The following GALNT17 variants were observed in gnomAD, a reference collection of about 807,000 sequenced individuals.
GALNT17 encodes the protein UDP-GalNAc:polypeptide N-acetylgalactosaminyltransferase-like 3.
In GALNT17, 29 loss-of-function variants were observed where a neutral mutation model predicts 63.7. The ratio of observed to expected loss-of-function variants is 0.46; its 90% CI spans 0.34 to 0.62. The LOEUF (loss-of-function observed/expected upper bound fraction) is 0.62. Among genes scored for constraint, GALNT17 ranks in the 20% least tolerant of loss-of-function variants. The pLI, the probability that GALNT17 is intolerant of heterozygous loss-of-function variation, is 0.01. For missense variants in GALNT17, 603 were observed against 799.6 expected, an observed-to-expected ratio of 0.75 and a Z score of 2.97; for synonymous variants, 305 against 318.3, an observed-to-expected ratio of 0.96 and a Z score of 0.45.
At chr7:71,148,886 A>ATG (rs1562863804) in intron 1 of GALNT17, among the ~76,000 whole-genome samples, 16 of 143,600 alleles carry the variant, frequency 1.1e-4, no homozygotes, top group Admixed American at 7.0e-5. Context: ...ATATATATAT[A>ATG]TATATATGTA....
Position 71,172,005 on chromosome 7 carries a change from G to A in GALNT17, c.238+38965G>A, listed in dbSNP as rs529161688. Among the ~76,000 whole-genome samples, 418 of 152,280 alleles carry A rather than the reference G, an allele frequency of 2.7e-3. 2 individuals carry two copies. Among genetic ancestry groups the A allele is most frequent in the Non-Finnish European group, 3.4e-3 (232 of 68,028 alleles). The stretch of plus-strand genomic sequence containing the variant: ...CAATCTTCAGGATTAATTCTTTTCA[G>A]CTCTTGGGTTACCTGGGGGTGGTAA... On this transcript the variant is annotated intron_variant, in intron 1 of 10. Transcript: ENST00000333538.
intron 1 of GALNT17, among the ~76,000 whole-genome samples, chr7:71,334,149 G>T (rs373936728): frequency 6.6e-6 from 1 of 152,174 alleles, no homozygotes; most frequent in Non-Finnish European, 1.5e-5. Flanking sequence ...AATGATGCTC[G>T]TCTGACGGTG....
chr7:71,184,137 A>G (rs1411911181), intron 1 of GALNT17, among the ~76,000 whole-genome samples: 1 of 152,206 alleles, frequency 6.6e-6, no homozygotes, highest in Non-Finnish European at 1.5e-5. Context: ...ATGAAAGGCA[A>G]TGGAAGAAGG....
At chr7:71,171,635 T>A (rs771662622) in intron 1 of GALNT17, among the ~76,000 whole-genome samples, 5 of 152,256 alleles carry the variant, frequency 3.3e-5, no homozygotes, top group Non-Finnish European at 5.9e-5. Context: ...CTATTTACTT[T>A]TGCTTTATTT....
chr7:71,402,213 A>G (rs1166007484), intron 3 of GALNT17, among the ~76,000 whole-genome samples: 14 of 152,216 alleles, frequency 9.2e-5, no homozygotes, highest in Admixed American at 9.2e-4. Flanking sequence ...TGTGCTCATG[A>G]CATTATTTGA....
rs1790872790 is a variant in GALNT17, at chr7:71,659,342, G to C, written c.1081-6069G>C. On this transcript the variant is annotated intron_variant, in intron 6 of 10. Transcript: ENST00000333538. Reference sequence around the variant, plus strand: ...TTAAGATTCTGAAGTTTGGAAGTCTGGGCTGCGGTCAGCCAGGTGGTTCTT... The same window carrying C: ...TTAAGATTCTGAAGTTTGGAAGTCTCGGCTGCGGTCAGCCAGGTGGTTCTT... Among the ~76,000 whole-genome samples, 4 of 152,164 alleles carry C rather than the reference G, an allele frequency of 2.6e-5. No individual in the cohort carries two copies. In the South Asian group the frequency reaches 8.3e-4, roughly 32 times the overall value.
chr7:71,402,248 G>A (rs556535036), intron 3 of GALNT17, among the ~76,000 whole-genome samples: 7 of 152,238 alleles, frequency 4.6e-5, no homozygotes, highest in African/African-American at 1.2e-4. Context: ...TTCATTCATC[G>A]GTATTCAACT....
chr7:71,420,771 G>A, intron 4 of GALNT17, 137 bp from the exon 5 acceptor site: 1 of 989,072 alleles, frequency 1.0e-6, no homozygotes, highest in Non-Finnish European at 1.5e-6. Context: ...GTCCCTGGGA[G>A]CCTCAGTTTG....
intron 1 of GALNT17, among the ~76,000 whole-genome samples, chr7:71,277,648 T>C (rs1041540952): frequency 3.9e-5 from 6 of 152,214 alleles, no homozygotes; most frequent in African/African-American, 1.4e-4. Context: ...CTGGGCACTT[T>C]ACAGACGTGC....
intron 5 of GALNT17, among the ~76,000 whole-genome samples, chr7:71,463,223 A>C (rs2116586009): frequency 6.6e-6 from 1 of 152,286 alleles, no homozygotes; most frequent in Admixed American, 6.5e-5. Flanking sequence ...GGGTCTAAAA[A>C]ACATCTTAAG....
intron 5 of GALNT17, among the ~76,000 whole-genome samples, chr7:71,552,370 G>A (rs1242669450): frequency 1.3e-5 from 2 of 151,328 alleles, no homozygotes; most frequent in Admixed American, 6.6e-5. Context: ...ATGCTAGGAA[G>A]GCACTTTACA....
intron 10 of GALNT17, 99 bp from the exon 11 acceptor site, chr7:71,711,918 AT>A: frequency 7.9e-7 from 1 of 1,261,204 alleles, no homozygotes. Flanking sequence ...TCTCTTTGTC[AT>A]TTTCTCTCTC....
chr7:71,271,398 T>C (rs1168390963), intron 1 of GALNT17, among the ~76,000 whole-genome samples: 1 of 152,222 alleles, frequency 6.6e-6, no homozygotes, highest in Admixed American at 6.5e-5. Context: ...GGGGTGGCAC[T>C]GACCAGTGGC....
intron 10 of GALNT17, among the ~76,000 whole-genome samples, chr7:71,711,717 C>T (rs1309236252): frequency 6.7e-6 from 1 of 148,350 alleles, no homozygotes; most frequent in Non-Finnish European, 1.5e-5. Context: ...TCTCTCTCTT[C>T]CCTCTTTTTC....
Position 71,426,990 on chromosome 7 carries a change from A to T in GALNT17, c.962+5885A>T, listed in dbSNP as rs1038122622. On this transcript the variant is annotated intron_variant, in intron 5 of 10. Coordinates refer to ENST00000333538, the MANE Select transcript of GALNT17 (RefSeq NM_022479.3). ...TTCTTCATAGGAAGTTATACCATCAATCCATATTAATAATGATAATATACC... is the reference window on the plus strand; with the variant it reads ...TTCTTCATAGGAAGTTATACCATCATTCCATATTAATAATGATAATATACC... Among the ~76,000 whole-genome samples, 4 of 152,084 alleles carry T rather than the reference A, an allele frequency of 2.6e-5. No individual in the cohort carries two copies. In the South Asian group the frequency reaches 6.2e-4, roughly 24 times the overall value.
chr7:71,133,088 G>T, intron 1 of GALNT17, 48 bp downstream of exon 1: 1 of 1,451,844 alleles, frequency 6.9e-7, no homozygotes, highest in Non-Finnish European at 9.1e-7. Context: ...GGCGGGCCGG[G>T]CACAGGGTGA....
intron 5 of GALNT17, among the ~76,000 whole-genome samples, chr7:71,468,150 A>G (rs116330853): frequency 1.2e-3 from 183 of 151,626 alleles, no homozygotes; most frequent in African/African-American, 4.0e-3. Context: ...GCCGCAGTCT[A>G]TAGTGTAGTT....
chr7:71,681,366 C>A (rs1167163965), intron 9 of GALNT17, among the ~76,000 whole-genome samples: 1 of 152,216 alleles, frequency 6.6e-6, no homozygotes, highest in Admixed American at 6.6e-5. Context: ...GACTAAGAAG[C>A]TATGTCTTGG....
intron 1 of GALNT17, among the ~76,000 whole-genome samples, chr7:71,204,170 T>G (rs935097246): frequency 6.6e-6 from 1 of 152,186 alleles, no homozygotes; most frequent in African/African-American, 2.4e-5. Flanking sequence ...CCTTATTCAT[T>G]GTGTGTTCTT....
Sources: gnomAD v4.1 joint callset for allele counts (sites outside exome capture counted in the v4.1 genomes callset) on GRCh38, gnomAD v4.1.1 for gene constraint, MANE v1.5 for transcripts, NCBI Gene and HGNC (gene_info 2026-07-23, HGNC 2026-07-21) for gene names.